Variants in GPATCH2L observed in about 807,000 individuals in gnomAD.
GPATCH2L encodes the protein G patch domain-containing protein 2-like.
Under a neutral mutation model 57.4 loss-of-function variants are expected in GPATCH2L, and 31 were observed. The ratio of observed to expected loss-of-function variants is 0.54; its 90% CI spans 0.41 to 0.73. GPATCH2L has a LOEUF of 0.73. Ranked by LOEUF, GPATCH2L falls within the 30% of genes least tolerant of loss-of-function variation. The pLI is 0.00. For missense variants in GPATCH2L, 481 were observed against 599.9 expected (o/e 0.80, Z 2.07); for synonymous variants, 199 against 210.7 (o/e 0.94, Z 0.48).
At chr14:76,232,909 G>C (rs2040579923) in intron 2 of GPATCH2L, among the ~76,000 whole-genome samples, 1 of 152,220 alleles carries the variant, frequency 6.6e-6, no homozygotes, top group Non-Finnish European at 1.5e-5. Flanking sequence ...AGCCCCTCCA[G>C]AGGTAAAATG....
chr14:76,191,931 T>TC (rs139307183), intron 8 of GPATCH2L, among the ~76,000 whole-genome samples: 2,508 of 152,110 alleles, frequency 0.016, 50 homozygotes, highest in African/African-American at 0.058. Flanking sequence ...TCCTTCTCTA[T>TC]CCCTTCCTTC....
intron 2 of GPATCH2L, among the ~76,000 whole-genome samples, chr14:76,161,851 TGTG>T (rs1566774306): frequency 6.6e-6 from 1 of 152,030 alleles, no homozygotes; most frequent in Admixed American, 6.5e-5. Context: ...GCCTGACCAA[TGTG>T]GTGAAACCTT....
chr14:76,172,157 G>A (rs1016879486), intron 4 of GPATCH2L, 138 bp downstream of exon 4: 1 of 506,918 alleles, frequency 2.0e-6, no homozygotes, highest in Non-Finnish European at 3.4e-6. Flanking sequence ...GGATTTTCTA[G>A]AGGAGTCAAA....
chr14:76,179,568 G>A (rs2139708126), intron 7 of GPATCH2L: 1 of 152,348 alleles, frequency 6.6e-6, no homozygotes, highest in East Asian at 1.9e-4. Context: ...TTTGCCCAAA[G>A]TGATACAGCT....
intron 1 of GPATCH2L, among the ~76,000 whole-genome samples, chr14:76,225,007 A>G (rs76538832): frequency 0.022 from 3,378 of 152,326 alleles, 76 homozygotes; most frequent in South Asian, 0.077. Context: ...GATCTGCTGT[A>G]TTCATGAATT....
At chr14:76,178,437 C>G (rs563485782) in intron 7 of GPATCH2L, 24 of 280,534 alleles carry the variant, frequency 8.6e-5, no homozygotes, top group Admixed American at 2.0e-4. Context: ...GGGTTGGGGG[C>G]GTGGTGAGGG....
At chr14:76,219,506 T>C (rs1338987233) in intron 1 of GPATCH2L, among the ~76,000 whole-genome samples, 2 of 152,164 alleles carry the variant, frequency 1.3e-5, no homozygotes, top group Non-Finnish European at 2.9e-5. Context: ...TTACAAAGGT[T>C]CATTACATTT....
chr14:76,193,634 AAG>A (rs1158979329), intron 8 of GPATCH2L, among the ~76,000 whole-genome samples: 2 of 152,278 alleles, frequency 1.3e-5, no homozygotes, highest in South Asian at 2.1e-4. Context: ...GATGAAGAAA[AAG>A]AGAGTTATCA....
chr14:76,227,507 G>A (rs1385871817), intron 1 of GPATCH2L, among the ~76,000 whole-genome samples: 4 of 152,152 alleles, frequency 2.6e-5, no homozygotes, highest in East Asian at 1.9e-4. Context: ...GTGGAGAGAC[G>A]AATCCAGGGG....
intron 6 of GPATCH2L, among the ~76,000 whole-genome samples, chr14:76,177,574 T>G (rs12435390): frequency 0.021 from 3,175 of 152,166 alleles, 58 homozygotes; most frequent in Non-Finnish European, 0.03. Flanking sequence ...GTTTATGCCC[T>G]TCATGAGTTG....
intron 7 of GPATCH2L, chr14:76,178,358 T>A (rs993208808): frequency 3.7e-6 from 3 of 820,740 alleles, no homozygotes; most frequent in East Asian, 5.3e-5. Context: ...GTCAAAGCCT[T>A]AGAGCAGTGG....
intron 2 of GPATCH2L, among the ~76,000 whole-genome samples, chr14:76,231,817 T>C (rs2040563584): frequency 1.3e-5 from 2 of 152,234 alleles, no homozygotes; most frequent in Non-Finnish European, 1.5e-5. Context: ...TACATGTATT[T>C]TGAATTCTAC....
chr14:76,172,886 G>T (rs534635177), intron 4 of GPATCH2L, among the ~76,000 whole-genome samples: 4 of 152,170 alleles, frequency 2.6e-5, no homozygotes, highest in African/African-American at 9.7e-5. Context: ...GTTGGTGCTT[G>T]GTAAAGACTA....
intron 2 of GPATCH2L, among the ~76,000 whole-genome samples, chr14:76,231,788 A>C (rs952558687): frequency 1.3e-5 from 2 of 152,168 alleles, no homozygotes; most frequent in Non-Finnish European, 2.9e-5. Context: ...TTTTGTTATA[A>C]TTTCTGTGGA....
Position 76,210,096 on chromosome 14 carries a change from G to A in GPATCH2L, c.*8245G>A, listed in dbSNP as rs1314362086. ...CTGCCCTAAAGCAGGATACTCCTGG[G>A]CTCCTTAGATATACTATCCTTGAAA... is the stretch of plus-strand genomic sequence containing the variant. On this transcript the variant is annotated 3_prime_UTR_variant, in exon 10 of 10. Transcript: ENST00000261530. The A allele has an allele frequency of 3.3e-5, 5 of 152,128 alleles. No individual in the cohort carries two copies. The highest frequency in any genetic ancestry group is 6.5e-5 in the Admixed American group (1 of 15,282). 9.4% of individuals were successfully genotyped at this position (152,128 alleles called of 1,614,324 possible). A position where few individuals can be genotyped will look rare whatever the true frequency, so the allele number is the denominator to read the frequency against.
chr14:76,179,929 A>T (rs1323013334), intron 7 of GPATCH2L: 1 of 151,994 alleles, frequency 6.6e-6, no homozygotes, highest in Non-Finnish European at 1.5e-5. Flanking sequence ...TCATGCTTGT[A>T]ATCCCAGCAC....
intron 1 of GPATCH2L, among the ~76,000 whole-genome samples, chr14:76,229,393 T>C (rs1335668992): frequency 6.6e-6 from 1 of 152,232 alleles, no homozygotes. Flanking sequence ...ACTATAACTT[T>C]GCAGGTAAAC....
intron 8 of GPATCH2L, among the ~76,000 whole-genome samples, chr14:76,182,199 T>C (rs984286820): frequency 2.4e-4 from 37 of 151,684 alleles, no homozygotes; most frequent in African/African-American, 8.0e-4. Context: ...CTACTAAAAA[T>C]ACAAAAAATT....
At chr14:76,192,082 A>G (rs1403406866) in intron 8 of GPATCH2L, among the ~76,000 whole-genome samples, 2 of 147,772 alleles carry the variant, frequency 1.4e-5, no homozygotes, top group African/African-American at 5.0e-5. Context: ...AATGTCCTCT[A>G]GTTCCATCCA....
Sources: allele counts gnomAD v4.1 joint callset (sites outside exome capture counted in the v4.1 genomes callset), GRCh38; gene constraint gnomAD v4.1.1; transcripts MANE v1.5; gene names NCBI Gene and HGNC (gene_info 2026-07-23, HGNC 2026-07-21).